Variants in PIGX observed in about 807,000 individuals in gnomAD.
PIGX encodes phosphatidylinositol glycan anchor biosynthesis class X.
In PIGX, 24 loss-of-function variants were observed where a neutral mutation model predicts 28.7. The observed-to-expected ratio is 0.84, with a 90% CI of 0.60 to 1.17. PIGX has a LOEUF of 1.17. PIGX is among the 50% of genes most tolerant of loss of function. The probability of loss-of-function intolerance (pLI) is 0.00; values close to 1 mark genes in which losing one functional copy is unlikely to be tolerated. For synonymous variants in PIGX, 127 were observed against 121.0 expected (o/e 1.05, Z -0.33); for missense variants, 305 against 317.8 (o/e 0.96, Z 0.31).
In PIGX at chr3:196,712,609, C is replaced by T. The variant is rs1199245830; in HGVS notation, c.77C>T (p.Pro26Leu). The T allele has an allele frequency of 1.7e-6, 2 of 1,190,814 alleles. No homozygotes were observed. Among genetic ancestry groups the T allele is most frequent in the Non-Finnish European group, 2.1e-6 (2 of 961,614 alleles). The allele number at this position is 1,190,814 out of a possible 1,614,324, so 73.8% of individuals were successfully genotyped here. A position where few individuals can be genotyped will look rare whatever the true frequency, so the allele number is the denominator to read the frequency against. The change falls in exon 1 of 6, where the codon CCC becomes CTC. Residue 26 changes from proline to leucine, a missense_variant. Pro to Leu is a moderately conservative substitution (Grantham distance 98). Coordinates refer to ENST00000392391, the MANE Select transcript of PIGX (RefSeq NM_017861.4). ...GCGGCGACCGGGCTCACGCGCGGGCCCGCCGCGGCCTTCACCGCCGCGCGC... is the reference window on the plus strand; with the variant it reads ...GCGGCGACCGGGCTCACGCGCGGGCTCGCCGCGGCCTTCACCGCCGCGCGC...
intron 3 of PIGX, among the ~76,000 whole-genome samples, chr3:196,725,222 A>G (rs2049233): frequency 0.69 from 104,714 of 152,058 alleles, 36,808 homozygotes; most frequent in African/African-American, 0.84. Context: ...TTTTGAAACC[A>G]TAAGTTTTAC....
chr3:196,726,963 A>G (rs1295686617), intron 3 of PIGX, among the ~76,000 whole-genome samples: 2 of 152,156 alleles, frequency 1.3e-5, no homozygotes, highest in Non-Finnish European at 2.9e-5. Flanking sequence ...GACTCATGAG[A>G]TGATATAATT....
At chr3:196,722,335 C>A in intron 2 of PIGX, 80 bp from the exon 3 acceptor site, 1 of 1,018,530 alleles carries the variant, frequency 9.8e-7, no homozygotes, top group South Asian at 1.6e-5. Flanking sequence ...ACAGTGTTTT[C>A]ACTAATAGGA....
intron 5 of PIGX, among the ~76,000 whole-genome samples, 154 bp downstream of exon 5, chr3:196,731,246 C>T (rs529738076): frequency 3.3e-5 from 5 of 151,304 alleles, no homozygotes; most frequent in Non-Finnish European, 5.9e-5. Context: ...GGCACAATCT[C>T]GGCTCACTGC....
chr3:196,728,665 T>C (rs764513005), intron 4 of PIGX: 6 of 766,380 alleles, frequency 7.8e-6, no homozygotes, highest in Non-Finnish European at 1.4e-5. Flanking sequence ...ATTGGACTCA[T>C]GTTCCTCATA....
At chr3:196,725,762 A>C (rs1712495444) in intron 3 of PIGX, among the ~76,000 whole-genome samples, 1 of 152,236 alleles carries the variant, frequency 6.6e-6, no homozygotes, top group Admixed American at 6.5e-5. Context: ...CCCAGCAACC[A>C]GACTGAGAAA....
intron 3 of PIGX, among the ~76,000 whole-genome samples, chr3:196,727,195 C>G (rs911422774): frequency 2.1e-4 from 32 of 151,980 alleles, no homozygotes; most frequent in African/African-American, 7.3e-4. Context: ...TATATAATGC[C>G]TGTGTGTGTA....
Position 196,712,649 on chromosome 3 carries a change from G to T in PIGX, c.112+5G>T. ...CCGCCGCGCGCTCTGACGCCGGTAA[G>T]GGGGGCGGGGCTTGGGGGGCCAGAG... is the stretch of plus-strand genomic sequence containing the variant. On this transcript the variant is annotated splice_donor_5th_base_variant and intron_variant, in intron 1 of 5. Transcript: ENST00000392391. The T allele has an allele frequency of 8.4e-7, 1 of 1,187,092 alleles. No homozygotes were observed. Among genetic ancestry groups the T allele is most frequent in the Non-Finnish European group, 1.0e-6 (1 of 958,986 alleles). The allele number at this position is 1,187,092 out of a possible 1,614,324, so 73.5% of individuals were successfully genotyped here. A position where few individuals can be genotyped will look rare whatever the true frequency, so the allele number is the denominator to read the frequency against.
At chr3:196,714,599 C>A (rs1246046139) in intron 1 of PIGX, among the ~76,000 whole-genome samples, 1 of 151,882 alleles carries the variant, frequency 6.6e-6, no homozygotes, top group Non-Finnish European at 1.5e-5. Context: ...GTAGCGGGAA[C>A]TACAGGTGCA....
chr3:196,735,999 T>A lies in PIGX; in HGVS notation c.*2097T>A, dbSNP rs1712987383. 1.3e-5 allele frequency: 2 copies of A among 152,186 alleles called. No homozygotes were observed. The highest frequency in any genetic ancestry group is 1.3e-4 in the Admixed American group (2 of 15,282). The allele number at this position is 152,186 out of a possible 1,614,324, so 9.4% of individuals were successfully genotyped here. On this transcript the variant is annotated 3_prime_UTR_variant, in exon 6 of 6. Coordinates refer to ENST00000392391, the MANE Select transcript of PIGX (RefSeq NM_017861.4). Reference sequence around the variant, plus strand: ...TTCAGAAGTGTAATAAAAATGTGAATGAAGAAAACTTTGATATAACTCTTC... The same window carrying A: ...TTCAGAAGTGTAATAAAAATGTGAAAGAAGAAAACTTTGATATAACTCTTC...
At position 196,712,675 on chromosome 3, in the gene PIGX, C is replaced by A. The variant is rs1380755491; in HGVS notation, c.112+31C>A. The A allele has an allele frequency of 3.4e-6, 4 of 1,179,026 alleles. No homozygotes were observed. In the East Asian group the frequency reaches 1.1e-4, roughly 33 times the overall value. The allele number at this position is 1,179,026 out of a possible 1,614,324, so 73.0% of individuals were successfully genotyped here. On this transcript the variant is annotated intron_variant, in intron 1 of 5. Transcript: ENST00000392391. ...GGGGGCGGGGCTTGGGGGGCCAGAGCGTGGGAGCGGTCCCGGCTCCCGGGC... is the reference window on the plus strand; with the variant it reads ...GGGGGCGGGGCTTGGGGGGCCAGAGAGTGGGAGCGGTCCCGGCTCCCGGGC...
chr3:196,713,116 C>T, intron 1 of PIGX: 1 of 983,890 alleles, frequency 1.0e-6, no homozygotes, highest in Non-Finnish European at 1.2e-6. Flanking sequence ...GGAATAATTA[C>T]AATAAAGGGT....
chr3:196,732,216 T>TTATATATATATATATA (rs1175656364), intron 5 of PIGX, among the ~76,000 whole-genome samples: 2 of 51,348 alleles, frequency 3.9e-5, no homozygotes, highest in African/African-American at 9.1e-5. Context: ...TATATATTAT[T>TTATATATATATATATA]TATATATATA....
Position 196,720,911 on chromosome 3 carries a change from T to C in PIGX, c.177-1504T>C, listed in dbSNP as rs540666841. On this transcript the variant is annotated intron_variant, in intron 2 of 5. Coordinates refer to ENST00000392391, the MANE Select transcript of PIGX (RefSeq NM_017861.4). ...TATAAAATTCTAGATCGACAGCCTC[T>C]TTTCTTTTAGTAATTTAAATAAGTT... 1.9e-4 allele frequency among the ~76,000 whole-genome samples: 29 copies of C among 152,270 alleles called. 1 individual carries two copies. The South Asian group carries it at 6.0e-3, about 32-fold the overall frequency.
chr3:196,724,172 G>C (rs946794884), intron 3 of PIGX, among the ~76,000 whole-genome samples: 12 of 151,822 alleles, frequency 7.9e-5, no homozygotes, highest in Admixed American at 7.9e-4. Flanking sequence ...ATGCCACCAT[G>C]CCTGGCTAAT....
intron 2 of PIGX, among the ~76,000 whole-genome samples, chr3:196,717,284 G>C (rs1011401840): frequency 2.0e-4 from 12 of 59,878 alleles, no homozygotes; most frequent in South Asian, 1.1e-3. Context: ...CTGGGCAACA[G>C]AGTGAGACTC....
At chr3:196,721,295 C>A in intron 2 of PIGX, 1 of 243,800 alleles carries the variant, frequency 4.1e-6, no homozygotes, top group South Asian at 4.4e-5. Flanking sequence ...GTTTCTGTTG[C>A]TGTGTCTCCA....
chr3:196,715,635 GATA>G (rs1712067643), intron 1 of PIGX, among the ~76,000 whole-genome samples: 1 of 152,100 alleles, frequency 6.6e-6, no homozygotes, highest in Non-Finnish European at 1.5e-5. Flanking sequence ...AATATTCAAT[GATA>G]ATAACAGGAT....
chr3:196,719,814 T>C (rs1299576335), intron 2 of PIGX, among the ~76,000 whole-genome samples: 1 of 152,032 alleles, frequency 6.6e-6, no homozygotes, highest in Non-Finnish European at 1.5e-5. Context: ...TTTTTTGGTA[T>C]GGGGTCTCGC....
Sources: allele counts gnomAD v4.1 joint callset (sites outside exome capture counted in the v4.1 genomes callset), GRCh38; gene constraint gnomAD v4.1.1; transcripts MANE v1.5; gene names NCBI Gene and HGNC (gene_info 2026-07-23, HGNC 2026-07-21).